The following ROBO1 variants were observed in gnomAD, a reference collection of about 807,000 sequenced individuals.
ROBO1 encodes roundabout guidance receptor 1, also known as roundabout homolog 1.
Under a neutral mutation model 195.9 loss-of-function variants are expected in ROBO1, and 149 were observed. That is an observed-to-expected ratio of 0.76 (90% confidence interval 0.67 to 0.87). ROBO1 has a LOEUF of 0.87. ROBO1 is among the 40% of genes least tolerant of loss of function. ROBO1 has a pLI of 0.00. For missense variants in ROBO1, 1,933 were observed against 2,068.3 expected, an observed-to-expected ratio of 0.93 and a Z score of 1.27; for synonymous variants, 816 against 733.2, an observed-to-expected ratio of 1.11 and a Z score of -1.82.
chr3:79,360,453 T>A (rs528423515), intron 2 of ROBO1, among the ~76,000 whole-genome samples: 1 of 151,964 alleles, frequency 6.6e-6, no homozygotes, highest in East Asian at 1.9e-4. Context: ...ACCTTCTTTT[T>A]TAATAAAAAA....
intron 4 of ROBO1, among the ~76,000 whole-genome samples, chr3:78,924,654 G>A (rs184327398): frequency 3.9e-4 from 59 of 151,776 alleles, no homozygotes; most frequent in African/African-American, 1.1e-3. Flanking sequence ...AAAACTGAAC[G>A]ACTCCAGTTA....
At chr3:79,556,255 AAAT>A (rs1221598360) in intron 2 of ROBO1, among the ~76,000 whole-genome samples, 2 of 152,144 alleles carry the variant, frequency 1.3e-5, no homozygotes, top group Non-Finnish European at 2.9e-5. Flanking sequence ...GCCCTTTGAC[AAAT>A]AATAATGCCA....
At chr3:79,761,408 G>A (rs1358754754) in intron 1 of ROBO1, among the ~76,000 whole-genome samples, 1 of 151,960 alleles carries the variant, frequency 6.6e-6, no homozygotes, top group Non-Finnish European at 1.5e-5. Context: ...TACCACACTG[G>A]TTACCTCTTA....
intron 26 of ROBO1, among the ~76,000 whole-genome samples, chr3:78,621,712 A>G (rs1038938563): frequency 2.0e-5 from 3 of 152,210 alleles, no homozygotes; most frequent in Non-Finnish European, 2.9e-5. Context: ...AGGGGTTTCA[A>G]TGTCTTCTGA....
intron 1 of ROBO1, among the ~76,000 whole-genome samples, chr3:79,752,334 A>G (rs746475996): frequency 8.5e-5 from 13 of 152,172 alleles, no homozygotes; most frequent in Non-Finnish European, 1.8e-4. Context: ...TAATTTTTTA[A>G]TAAAACCTAT....
chr3:78,613,666 C>A (rs1247745970), intron 28 of ROBO1, among the ~76,000 whole-genome samples: 4 of 152,142 alleles, frequency 2.6e-5, no homozygotes, highest in African/African-American at 7.2e-5. Flanking sequence ...TACTTGTGCT[C>A]ATCATGCTGT....
At chr3:79,016,288 T>C (rs940657550) in intron 3 of ROBO1, among the ~76,000 whole-genome samples, 3 of 152,192 alleles carry the variant, frequency 2.0e-5, no homozygotes, top group Non-Finnish European at 4.4e-5. Flanking sequence ...ATCAGAGGAA[T>C]AAAAAGCTTC....
At chr3:79,523,776 G>A (rs771684937) in intron 2 of ROBO1, among the ~76,000 whole-genome samples, 4 of 152,082 alleles carry the variant, frequency 2.6e-5, no homozygotes, top group Non-Finnish European at 5.9e-5. Flanking sequence ...GCTCGGCCTA[G>A]ACTTTGCATT....
At chr3:79,608,617 T>C (rs958336728) in intron 1 of ROBO1, among the ~76,000 whole-genome samples, 1 of 152,008 alleles carries the variant, frequency 6.6e-6, no homozygotes, top group African/African-American at 2.4e-5. Context: ...TGATGGATGT[T>C]TTCCTATAAA....
At position 78,681,805 on chromosome 3, in the gene ROBO1, G is replaced by A. The variant is rs558555677; in HGVS notation, c.1342+3941C>T. Among the ~76,000 whole-genome samples the A allele has an allele frequency of 4.6e-5, 7 of 152,284 alleles. No individual in the cohort carries two copies. In the South Asian group the frequency reaches 8.3e-4, roughly 18 times the overall value. On this transcript the variant is annotated intron_variant, in intron 10 of 30. Coordinates refer to ENST00000464233, the MANE Select transcript of ROBO1 (RefSeq NM_002941.4). ...CAGTCCCAGCTACTCGAGAGGCTGA[G>A]GCAGGAGAATGGCCTGAACCTGGGA...
intron 1 of ROBO1, among the ~76,000 whole-genome samples, chr3:79,727,352 G>C (rs1553799043): frequency 6.6e-6 from 1 of 151,940 alleles, no homozygotes; most frequent in Admixed American, 6.6e-5. Context: ...GATTAATTTT[G>C]TAGAATTTTC....
chr3:78,638,958 C>T (rs1032935775), intron 22 of ROBO1, among the ~76,000 whole-genome samples: 4 of 151,882 alleles, frequency 2.6e-5, no homozygotes, highest in Non-Finnish European at 5.9e-5. Context: ...CCAGCCTGGC[C>T]AACATGGTAA....
intron 1 of ROBO1, among the ~76,000 whole-genome samples, chr3:79,755,704 G>C (rs982026327): frequency 4.6e-5 from 7 of 152,130 alleles, no homozygotes; most frequent in Non-Finnish European, 7.3e-5. Flanking sequence ...CTTATTTCCA[G>C]CACCAAGAGC....
chr3:79,434,068 A>C (rs539792536), intron 2 of ROBO1, among the ~76,000 whole-genome samples: 1 of 152,356 alleles, frequency 6.6e-6, no homozygotes, highest in African/African-American at 2.4e-5. Context: ...AATTAATTCA[A>C]GATGCATTAA....
At chr3:79,575,427 A>AAT (rs535487324) in intron 2 of ROBO1, among the ~76,000 whole-genome samples, 3,570 of 127,936 alleles carry the variant, frequency 0.028, 247 homozygotes, top group African/African-American at 0.11. Context: ...TATATATATA[A>AAT]ATATATATAT....
chr3:78,688,694 G>T lies in ROBO1; in HGVS notation c.1124C>A (p.Thr375Asn). Reference sequence around the variant, plus strand: ...GAAAATAGCTGGTTGAGGATTTCCGGTTGCTTCACACTGAAAAGTTACAGT... The same window carrying T: ...GAAAATAGCTGGTTGAGGATTTCCGTTTGCTTCACACTGAAAAGTTACAGT... ...GRTVTFQCEA[T>N]GNPQPAIFWR... Residue 375 changes from threonine to asparagine, a missense_variant, in exon 9 of 31, where the codon ACC (threonine) becomes AAC (asparagine). This residue lies in a region of ROBO1 where 1,737 missense variants were observed against 1,882.5 expected (regional missense o/e 0.92). Transcript: ENST00000464233. The T allele has an allele frequency of 6.2e-7, 1 of 1,607,604 alleles. No homozygotes were observed. Among genetic ancestry groups the T allele is most frequent in the Non-Finnish European group, 8.5e-7 (1 of 1,176,706 alleles).
intron 2 of ROBO1, among the ~76,000 whole-genome samples, chr3:79,252,949 T>C (rs1488286509): frequency 6.6e-6 from 1 of 152,116 alleles, no homozygotes; most frequent in African/African-American, 2.4e-5. Context: ...CATTGGACCA[T>C]AAAACTGGCC....
chr3:79,036,697 C>T (rs111343473), intron 3 of ROBO1, among the ~76,000 whole-genome samples: 2,291 of 152,052 alleles, frequency 0.015, 66 homozygotes, highest in African/African-American at 0.053. Context: ...TTTATAATGA[C>T]CCAAAGTAAA....
chr3:79,498,237 TTTA>T (rs1467725294), intron 2 of ROBO1, among the ~76,000 whole-genome samples: 3 of 152,212 alleles, frequency 2.0e-5, no homozygotes, highest in African/African-American at 4.8e-5. Context: ...TCTGTTATTT[TTTA>T]TTTTATAATT....
Sources: allele counts gnomAD v4.1 joint callset (sites outside exome capture counted in the v4.1 genomes callset), GRCh38; gene constraint gnomAD v4.1.1; regional missense constraint gnomAD v4.1.1; transcripts MANE v1.5; gene names NCBI Gene and HGNC (gene_info 2026-07-23, HGNC 2026-07-21).